ZNF438: variants seen among roughly 807,000 people sequenced by gnomAD.
ZNF438 encodes zinc finger protein 438.
ZNF438 carries 25 observed loss-of-function variants against 38.0 expected under a neutral mutation model. The ratio of observed to expected loss-of-function variants is 0.66; its 90% CI spans 0.48 to 0.92. ZNF438 has a LOEUF of 0.92. Among genes scored for constraint, ZNF438 ranks in the 40% least tolerant of loss-of-function variants. The pLI is 0.00. For synonymous variants in ZNF438, 372 were observed against 364.1 expected, an observed-to-expected ratio of 1.02 and a Z score of -0.25; for missense variants, 1,007 against 999.6, an observed-to-expected ratio of 1.01 and a Z score of -0.10.
intron 1 of ZNF438, among the ~76,000 whole-genome samples, chr10:30,988,401 A>G (rs1428356749): frequency 6.6e-6 from 1 of 152,098 alleles, no homozygotes; most frequent in Admixed American, 6.5e-5. Context: ...CCGTATTTTT[A>G]AAATTTTTTT....
In ZNF438 at chr10:30,911,604, T is replaced by G. The variant is rs559433686; in HGVS notation, c.-114-2589A>C. Among the ~76,000 whole-genome samples, 2 of 152,180 alleles carry G rather than the reference T, an allele frequency of 1.3e-5. 1 individual carries two copies. The highest frequency in any genetic ancestry group is 4.8e-5 in the African/African-American group (2 of 41,496). ...CCTACAAATTCTCATCTCCTCAAACTCTGCAACTGCTCAGAAAACGATGTT... is the reference window on the plus strand; with the variant it reads ...CCTACAAATTCTCATCTCCTCAAACGCTGCAACTGCTCAGAAAACGATGTT... On this transcript the variant is annotated intron_variant, in intron 2 of 5. Transcript: ENST00000413025.
chr10:30,888,344 A>AACACACACACACACACACAC (rs140506626), intron 3 of ZNF438, among the ~76,000 whole-genome samples: 4,690 of 147,348 alleles, frequency 0.032, 232 homozygotes, highest in African/African-American at 0.11. Context: ...TAATATTATA[A>AACACACACACACACACACAC]ACACACACAC....
intron 4 of ZNF438, among the ~76,000 whole-genome samples, chr10:30,851,318 T>C (rs138520762): frequency 6.6e-6 from 1 of 152,366 alleles, no homozygotes; most frequent in African/African-American, 2.4e-5. Flanking sequence ...CATTTTGGTG[T>C]CCTGCTTCTA....
At chr10:30,948,514 C>T (rs370054133) in intron 1 of ZNF438, among the ~76,000 whole-genome samples, 22 of 152,018 alleles carry the variant, frequency 1.4e-4, no homozygotes, top group Admixed American at 3.3e-4. Flanking sequence ...AAAATTTAGA[C>T]GAACGTATAA....
chr10:30,917,304 A>G (rs1339944706), intron 2 of ZNF438, among the ~76,000 whole-genome samples: 3 of 152,086 alleles, frequency 2.0e-5, no homozygotes, highest in Admixed American at 6.5e-5. Flanking sequence ...TTATGCACAT[A>G]TATTATGTAT....
intron 1 of ZNF438, among the ~76,000 whole-genome samples, chr10:31,016,983 C>G (rs1376138346): frequency 1.3e-5 from 2 of 152,334 alleles, no homozygotes; most frequent in East Asian, 3.9e-4. Context: ...CTCTTCAACT[C>G]ATTCACATCC....
At chr10:31,012,349 T>C (rs2055790322) in intron 1 of ZNF438, among the ~76,000 whole-genome samples, 1 of 152,066 alleles carries the variant, frequency 6.6e-6, no homozygotes, top group African/African-American at 2.4e-5. Flanking sequence ...GGTCTCGATC[T>C]CCTGACCTTG....
intron 1 of ZNF438, among the ~76,000 whole-genome samples, chr10:30,974,473 G>A (rs1424347866): frequency 6.6e-6 from 1 of 152,070 alleles, no homozygotes; most frequent in Non-Finnish European, 1.5e-5. Flanking sequence ...ATCGTTTCAA[G>A]AAAACAAAAA....
At chr10:30,964,650 T>C (rs948947148) in intron 1 of ZNF438, among the ~76,000 whole-genome samples, 1 of 152,224 alleles carries the variant, frequency 6.6e-6, no homozygotes, top group Admixed American at 6.5e-5. Context: ...TGAAATCTTT[T>C]TTTCTATGAC....
intron 4 of ZNF438, chr10:30,875,188 C>T (rs2038220389): frequency 1.1e-6 from 1 of 932,560 alleles, no homozygotes; most frequent in Non-Finnish European, 1.3e-6. Flanking sequence ...AGTATCCAAG[C>T]TTATGTGATA....
chr10:30,917,770 T>A (rs2043819079), intron 2 of ZNF438, among the ~76,000 whole-genome samples: 1 of 152,174 alleles, frequency 6.6e-6, no homozygotes, highest in African/African-American at 2.4e-5. Context: ...TTTTGTTTTC[T>A]TAGTGGTATC....
Position 30,961,901 on chromosome 10 carries a change from A to AC in ZNF438, c.-191-20251_-191-20250insG, listed in dbSNP as rs1310756122. On this transcript the variant is annotated intron_variant, in intron 1 of 5. Coordinates refer to ENST00000413025, the Ensembl canonical transcript of ZNF438. ...AGACTCCATCCCAAAAGAAAAAAAAAAAAAAAAAGTTTTACAAATTTTGGT... is the reference window on the plus strand; with the variant it reads ...AGACTCCATCCCAAAAGAAAAAAAAACAAAAAAAAGTTTTACAAATTTTGGT... Among the ~76,000 whole-genome samples the AC allele has an allele frequency of 4.8e-5, 7 of 146,148 alleles. 1 individual carries two copies. The highest frequency in any genetic ancestry group is 9.3e-5 in the Non-Finnish European group (6 of 64,520).
chr10:30,933,983 A>G (rs1325681157), intron 2 of ZNF438, among the ~76,000 whole-genome samples: 1 of 152,004 alleles, frequency 6.6e-6, no homozygotes, highest in African/African-American at 2.4e-5. Context: ...CGTCTCTACT[A>G]AAAATACAAA....
At chr10:30,971,962 G>A (rs2050783978) in intron 1 of ZNF438, among the ~76,000 whole-genome samples, 1 of 125,882 alleles carries the variant, frequency 7.9e-6, no homozygotes, top group South Asian at 2.5e-4. Context: ...AGAAAGTAGA[G>A]CCCTTGATTC....
intron 1 of ZNF438, among the ~76,000 whole-genome samples, 152 bp from the exon 2 acceptor site, chr10:30,984,578 C>T (rs780602539): frequency 4.0e-5 from 6 of 151,602 alleles, no homozygotes; most frequent in African/African-American, 1.5e-4. Context: ...AAAATAATTC[C>T]ATAGTTGATT....
intron 1 of ZNF438, among the ~76,000 whole-genome samples, chr10:30,949,922 AC>A (rs1273865697): frequency 1.8e-4 from 27 of 152,336 alleles, no homozygotes; most frequent in Admixed American, 1.2e-3. Flanking sequence ...AGAACTCTCT[AC>A]CCCAAATCAA....
At position 30,982,237 on chromosome 10, in the gene ZNF438, G is replaced by A. The variant is rs543322489; in HGVS notation, c.-191-40586C>T. Among the ~76,000 whole-genome samples the A allele has an allele frequency of 3.4e-3, 521 of 151,896 alleles. 5 individuals are homozygous for A. Among genetic ancestry groups the A allele is most frequent in the East Asian group, 3.5e-3 (18 of 5,116 alleles). ...CTGCCTCAGCCTCCTGAGTAGCTGG[G>A]ACTACAGGCACCTGCCACCACGCCT... On this transcript the variant is annotated intron_variant, in intron 1 of 5. Coordinates refer to ENST00000413025, the Ensembl canonical transcript of ZNF438.
At chr10:30,940,729 A>C (rs1321026375) in intron 2 of ZNF438, among the ~76,000 whole-genome samples, 1 of 152,230 alleles carries the variant, frequency 6.6e-6, no homozygotes, top group Non-Finnish European at 1.5e-5. Flanking sequence ...GGACAGGGGA[A>C]GAGAGAATGA....
At chr10:30,888,990 A>G (rs2040331934) in intron 3 of ZNF438, among the ~76,000 whole-genome samples, 1 of 152,208 alleles carries the variant, frequency 6.6e-6, no homozygotes, top group Admixed American at 6.5e-5. Context: ...TACTCCCACC[A>G]ACAGTGTATA....
Sources: gnomAD v4.1 joint callset for allele counts (sites outside exome capture counted in the v4.1 genomes callset) on GRCh38, gnomAD v4.1.1 for gene constraint, MANE v1.5 for transcripts, NCBI Gene and HGNC (gene_info 2026-07-23, HGNC 2026-07-21) for gene names.